GALNS: variants seen among roughly 807,000 people sequenced by gnomAD.
GALNS encodes galactosamine (N-acetyl)-6-sulfatase.
In GALNS, 65 loss-of-function variants were observed where a neutral mutation model predicts 65.9. The ratio of observed to expected loss-of-function variants is 0.99; its 90% CI spans 0.81 to 1.21. GALNS has a LOEUF of 1.21. Ranked by LOEUF, GALNS falls within the 50% of genes most tolerant of loss-of-function variation. The pLI is 0.00. For synonymous variants in GALNS, 346 were observed against 288.9 expected, an observed-to-expected ratio of 1.20 and a Z score of -2.00; for missense variants, 776 against 700.7, an observed-to-expected ratio of 1.11 and a Z score of -1.21.
intron 10 of GALNS, among the ~76,000 whole-genome samples, chr16:88,825,849 C>G (rs1245197746): frequency 1.3e-5 from 2 of 152,144 alleles, no homozygotes; most frequent in African/African-American, 2.4e-5. Context: ...AGCAAAACTC[C>G]CTCTACCCGG....
intron 9 of GALNS, among the ~76,000 whole-genome samples, chr16:88,830,939 T>C (rs1259913465): frequency 1.3e-5 from 2 of 152,222 alleles, no homozygotes; most frequent in African/African-American, 4.8e-5. Flanking sequence ...CAGCCTGCTC[T>C]AAGCCCCTTC....
chr16:88,827,373 C>T lies in GALNS; in HGVS notation c.1003-535G>A, dbSNP rs554388523. The stretch of plus-strand genomic sequence containing the variant: ...CCGCCGTGCCTTGACCTCCGGAGGG[C>T]GTGGGCACTGCTGACCAGCCATGAG... On this transcript the variant is annotated intron_variant, in intron 9 of 13. Coordinates refer to ENST00000268695, the MANE Select transcript of GALNS (RefSeq NM_000512.5). Among the ~76,000 whole-genome samples, 36 of 152,342 alleles carry T rather than the reference C, an allele frequency of 2.4e-4. 2 individuals are homozygous for T. In the South Asian group the frequency reaches 5.2e-3, roughly 22 times the overall value.
At chr16:88,816,191 G>C (rs1909605580) in intron 13 of GALNS, 5 of 985,352 alleles carry the variant, frequency 5.1e-6, no homozygotes, top group Non-Finnish European at 6.0e-6. Flanking sequence ...CCAGGAGATG[G>C]CAGTGGCAGC....
chr16:88,850,288 G>C (rs951459208), intron 1 of GALNS, among the ~76,000 whole-genome samples: 4 of 152,132 alleles, frequency 2.6e-5, no homozygotes, highest in Non-Finnish European at 5.9e-5. Context: ...CCATGTGCCC[G>C]ACCCTCCCTG....
chr16:88,846,188 A>G (rs1237281754), intron 1 of GALNS, among the ~76,000 whole-genome samples: 1 of 152,232 alleles, frequency 6.6e-6, no homozygotes, highest in African/African-American at 2.4e-5. Flanking sequence ...TTATGCTGAA[A>G]TCATGGCCCC....
intron 1 of GALNS, among the ~76,000 whole-genome samples, chr16:88,851,576 C>T (rs558069473): frequency 2.0e-5 from 3 of 152,132 alleles, no homozygotes; most frequent in Admixed American, 6.5e-5. Flanking sequence ...TCAGGAAGTG[C>T]GAGGGGTTGG....
Position 88,835,724 on chromosome 16 carries a change from C to G in GALNS, c.758+1G>C, listed in dbSNP as rs1363382746. 1.2e-6 allele frequency: 2 copies of G among 1,613,978 alleles called. No individual in the cohort carries two copies. Among genetic ancestry groups the G allele is most frequent in the Non-Finnish European group, 1.7e-6 (2 of 1,180,024 alleles). On this transcript the variant is annotated splice_donor_variant, in intron 7 of 13. Transcript: ENST00000268695. LOFTEE classifies it high-confidence loss of function. Reference sequence around the variant, plus strand: ...CTATGCTCCATGGAGCCAGGACTCACCGCCCTCGCTGACTGGTGCCCAAGA... The same window carrying G: ...CTATGCTCCATGGAGCCAGGACTCAGCGCCCTCGCTGACTGGTGCCCAAGA...
At chr16:88,827,526 A>C (rs1369163572) in intron 9 of GALNS, among the ~76,000 whole-genome samples, 1 of 152,176 alleles carries the variant, frequency 6.6e-6, no homozygotes, top group African/African-American at 2.4e-5. Flanking sequence ...AGCTCACCAC[A>C]ACCTCTGCCT....
At chr16:88,846,044 C>G (rs940454431) in intron 1 of GALNS, among the ~76,000 whole-genome samples, 2 of 152,070 alleles carry the variant, frequency 1.3e-5, no homozygotes, top group Non-Finnish European at 2.9e-5. Flanking sequence ...AGGAGTTTAT[C>G]CTAAGAAAAT....
Position 88,813,909 on chromosome 16 carries a change from T to C in GALNS, c.*530A>G, listed in dbSNP as rs1909360795. 1 of 189,414 alleles carries C rather than the reference T, an allele frequency of 5.3e-6. No homozygotes were observed. The highest frequency in any genetic ancestry group is 1.1e-5 in the Non-Finnish European group (1 of 88,608). 11.7% of individuals were successfully genotyped at this position (189,414 alleles called of 1,614,324 possible). A position where few individuals can be genotyped will look rare whatever the true frequency, so the allele number is the denominator to read the frequency against. On this transcript the variant is annotated 3_prime_UTR_variant, in exon 14 of 14. Coordinates refer to ENST00000268695, the MANE Select transcript of GALNS (RefSeq NM_000512.5). ...GGCTCCCCTGAGACAAACGCTTATA[T>C]GATTGCCCCGTTCCCTTACTGTTTA...
At position 88,836,044 on chromosome 16, in the gene GALNS, C is replaced by T. The variant is rs147408884; in HGVS notation, c.633+157G>A. ...GAGGATGGTGCGGTCCCCGTCCCCA[C>T]GCGTCCCACGGGGCGAGGGTGATGA... On this transcript the variant is annotated intron_variant, in intron 6 of 13. Transcript: ENST00000268695. Among the ~76,000 whole-genome samples, 5,563 of 147,722 alleles carry T rather than the reference C, an allele frequency of 0.038. 127 individuals carry two copies. Among genetic ancestry groups the T allele is most frequent in the South Asian group, 0.079 (364 of 4,618 alleles).
chr16:88,816,536 T>C (rs2142976820), intron 13 of GALNS: 2 of 299,702 alleles, frequency 6.7e-6, no homozygotes, highest in East Asian at 4.9e-4. Flanking sequence ...GCCCCCCAAC[T>C]AACGGAGGTG....
chr16:88,848,311 G>A (rs565689093), intron 1 of GALNS, among the ~76,000 whole-genome samples: 11 of 152,052 alleles, frequency 7.2e-5, no homozygotes, highest in Admixed American at 2.0e-4. Context: ...TTTCACCAGC[G>A]AATTCCGTCT....
In GALNS at chr16:88,829,801, T is replaced by C. The variant is rs184920410; in HGVS notation, c.1002+2197A>G. On this transcript the variant is annotated intron_variant, in intron 9 of 13. Coordinates refer to ENST00000268695, the MANE Select transcript of GALNS (RefSeq NM_000512.5). ...ATCTGGCAGAACAGCAGCCAATCCC[T>C]GGGCCTTCAGGCGCGCGACCAGGCC... Among the ~76,000 whole-genome samples, 707 of 152,330 alleles carry C rather than the reference T, an allele frequency of 4.6e-3. 6 individuals carry two copies. Among genetic ancestry groups the C allele is most frequent in the Non-Finnish European group, 7.0e-3 (474 of 68,018 alleles).
chr16:88,854,579 C>G (rs528892053), intron 1 of GALNS, among the ~76,000 whole-genome samples: 1 of 152,244 alleles, frequency 6.6e-6, no homozygotes. Context: ...TGCCCCTCCC[C>G]CAGTGTGCTT....
At chr16:88,840,819 G>A in intron 4 of GALNS, 173 bp downstream of exon 4, 1 of 659,114 alleles carries the variant, frequency 1.5e-6, no homozygotes, top group Non-Finnish European at 2.8e-6. Flanking sequence ...TGCTGGCAAG[G>A]TCACGCTGGC....
intron 9 of GALNS, among the ~76,000 whole-genome samples, chr16:88,829,537 G>T (rs1911270437): frequency 6.6e-6 from 1 of 152,352 alleles, no homozygotes; most frequent in Admixed American, 6.5e-5. Flanking sequence ...GCTGCCCTGG[G>T]CAGGGTCTGA....
rs535428604 is a variant in GALNS at position 88,832,369 on chromosome 16, G to A, written c.899-268C>T. On this transcript the variant is annotated intron_variant, in intron 8 of 13. Coordinates refer to ENST00000268695, the MANE Select transcript of GALNS (RefSeq NM_000512.5). ...ATACGGTGTCAGCAAGACTCAGAGA[G>A]GTACACTCCCGCAGCAGAGGCCCTG... Among the ~76,000 whole-genome samples, 3 of 152,312 alleles carry A rather than the reference G, an allele frequency of 2.0e-5. No homozygotes were observed. The South Asian group carries it at 6.2e-4, about 32-fold the overall frequency.
chr16:88,831,900 G>C (rs550502856), intron 9 of GALNS, 98 bp downstream of exon 9: 3 of 990,096 alleles, frequency 3.0e-6, no homozygotes, highest in Non-Finnish European at 4.7e-6. Flanking sequence ...GGATGAGCAC[G>C]GGGTGCATGG....
Sources: allele counts gnomAD v4.1 joint callset (sites outside exome capture counted in the v4.1 genomes callset), GRCh38; gene constraint gnomAD v4.1.1; transcripts MANE v1.5; gene names NCBI Gene and HGNC (gene_info 2026-07-23, HGNC 2026-07-21).